OCIAD1: variants seen among roughly 807,000 people sequenced by gnomAD.
The protein encoded by OCIAD1 is OCIA domain-containing protein 1.
A neutral mutation model predicts 38.9 loss-of-function variants in OCIAD1; 29 were observed. That is an observed-to-expected ratio of 0.74 (90% CI 0.55 to 1.02). The LOEUF is 1.02. Ranked by LOEUF, OCIAD1 falls within the 50% of genes least tolerant of loss-of-function variation. The pLI is 0.00. For missense variants in OCIAD1, 288 were observed against 289.6 expected, an observed-to-expected ratio of 0.99 and a Z score of 0.04; for synonymous variants, 110 against 92.0, an observed-to-expected ratio of 1.20 and a Z score of -1.12.
In OCIAD1 at chr4:48,861,052, C is replaced by T. The variant is rs766832856; in HGVS notation, c.*290C>T. 6.3e-5 allele frequency: 20 copies of T among 319,842 alleles called. No individual in the cohort carries two copies. Among genetic ancestry groups the T allele is most frequent in the South Asian group, 1.0e-4 (1 of 9,812 alleles). 19.8% of individuals were successfully genotyped at this position (319,842 alleles called of 1,614,324 possible). On this transcript the variant is annotated 3_prime_UTR_variant, in exon 9 of 9. Transcript: ENST00000264312. ...GCAAAGATAACTCTTAAAAAACCGT[C>T]GAGATTACAATGCTCTAGAATCAGC...
chr4:48,827,231 G>A (rs1190549628), upstream of OCIAD1, among the ~76,000 whole-genome samples: 2 of 152,170 alleles, frequency 1.3e-5, no homozygotes, highest in African/African-American at 4.8e-5. Context: ...ACACTGAAAT[G>A]AAGTAGAAGT....
Position 48,853,461 on chromosome 4 carries a change from A to G in OCIAD1, c.547+1486A>G, listed in dbSNP as rs1279634240. On this transcript the variant is annotated intron_variant, in intron 7 of 8. Transcript: ENST00000264312. ...GAATAGTGAAACATACCTGACCCCA[A>G]GGTTTGGATAAGGGATTATGGACCT... 4.6e-5 allele frequency among the ~76,000 whole-genome samples: 7 copies of G among 152,286 alleles called. No homozygotes were observed. In the East Asian group the frequency reaches 7.7e-4, roughly 17 times the overall value.
rs528260977 is a variant in OCIAD1 at position 48,810,209 on chromosome 4, G to C, written c.-103+4879G>C. Among the ~76,000 whole-genome samples, 8 of 152,076 alleles carry C rather than the reference G, an allele frequency of 5.3e-5. No homozygotes were observed. In the East Asian group the frequency reaches 1.5e-3, roughly 29 times the overall value. ...ACTCGGTGTGTGTGTGTGTTTAAGA[G>C]ATGAGATCCCAGCACTTTGGGAGGC... On this transcript the variant is annotated intron_variant, in intron 1 of 6. Transcript: ENST00000504654.
chr4:48,844,005 CTA>C (rs1560428209), intron 4 of OCIAD1, among the ~76,000 whole-genome samples: 1 of 152,088 alleles, frequency 6.6e-6, no homozygotes, highest in African/African-American at 2.4e-5. Context: ...AGTAGAGACT[CTA>C]AGAGTTGTAG....
chr4:48,848,845 T>C (rs529613761), intron 5 of OCIAD1, among the ~76,000 whole-genome samples: 1 of 152,250 alleles, frequency 6.6e-6, no homozygotes, highest in African/African-American at 2.4e-5. Flanking sequence ...AAAATGTAAA[T>C]AAGCATAACT....
chr4:48,817,471 C>A (rs113255467), intron 1 of OCIAD1, among the ~76,000 whole-genome samples: 1 of 152,106 alleles, frequency 6.6e-6, no homozygotes, highest in Non-Finnish European at 1.5e-5. Context: ...CCCACCAGGC[C>A]CCTGGGTTTC....
intron 8 of OCIAD1, among the ~76,000 whole-genome samples, 192 bp downstream of exon 8, chr4:48,857,557 G>A (rs369542867): frequency 1.4e-4 from 21 of 149,636 alleles, no homozygotes; most frequent in Admixed American, 4.0e-4. Context: ...GTCTTGCTCC[G>A]TCGCCAGGCT....
At chr4:48,831,621 G>T (rs1777508786) in intron 1 of OCIAD1, 2 of 1,121,194 alleles carry the variant, frequency 1.8e-6, no homozygotes. Context: ...CGCCGTGTCA[G>T]CCCTGACAGT....
chr4:48,825,615 G>A (rs751058854), intron 1 of OCIAD1, among the ~76,000 whole-genome samples: 24 of 152,140 alleles, frequency 1.6e-4, no homozygotes, highest in Non-Finnish European at 3.2e-4. Flanking sequence ...CAGGAAACTG[G>A]CCCATGGTCT....
At chr4:48,831,615 G>A (rs1316828296) in intron 1 of OCIAD1, 2 of 1,172,286 alleles carry the variant, frequency 1.7e-6, no homozygotes, top group African/African-American at 3.1e-5. Context: ...CTTAAGCGCC[G>A]TGTCAGCCCT....
intron 1 of OCIAD1, among the ~76,000 whole-genome samples, chr4:48,807,487 G>C (rs1777041183): frequency 6.6e-6 from 1 of 152,074 alleles, no homozygotes; most frequent in Admixed American, 6.6e-5. Context: ...GTATCTATCA[G>C]GTTGTTATAA....
intron 7 of OCIAD1, among the ~76,000 whole-genome samples, chr4:48,852,882 G>GTTTTTTTGTTTTTTTTTTTTTTTTTT (rs1779635252): frequency 7.9e-6 from 1 of 126,338 alleles, no homozygotes; most frequent in African/African-American, 3.2e-5. Context: ...TTTGTTTTTT[G>GTTTTTTTGTTTTTTTTTTTTTTTTTT]TTTTTTTTTT....
intron 1 of OCIAD1, among the ~76,000 whole-genome samples, chr4:48,824,098 C>T (rs1178111233): frequency 6.6e-6 from 1 of 152,026 alleles, no homozygotes; most frequent in South Asian, 2.1e-4. Context: ...CCCACTTCAG[C>T]CTCCTGAATA....
intron 3 of OCIAD1, among the ~76,000 whole-genome samples, chr4:48,842,285 CCTT>C (rs1345802757): frequency 6.6e-5 from 10 of 152,208 alleles, no homozygotes; most frequent in Non-Finnish European, 1.3e-4. Flanking sequence ...TCTTACCTCT[CCTT>C]CATTAACTTT....
Position 48,823,162 on chromosome 4 carries a change from C to G in OCIAD1, c.-102-7415C>G, listed in dbSNP as rs554427639. On this transcript the variant is annotated intron_variant, in intron 1 of 6. Coordinates refer to the OCIAD1 transcript ENST00000504654. Reference sequence around the variant, plus strand: ...ACCCAAATGCCCATCAATGATAGACCGGATAAAGAAAATGTGGCGCATACA... The same window carrying G: ...ACCCAAATGCCCATCAATGATAGACGGGATAAAGAAAATGTGGCGCATACA... Among the ~76,000 whole-genome samples, 6 of 151,844 alleles carry G rather than the reference C, an allele frequency of 4.0e-5. No individual in the cohort carries two copies. The East Asian group carries it at 1.2e-3, about 29-fold the overall frequency.
Position 48,850,018 on chromosome 4 carries a change from C to G in OCIAD1, c.313C>G (p.Leu105Val). The change falls in exon 6 of 9, where the codon CTT (leucine) becomes GTT (valine). Residue 105 changes from leucine (L) to valine (V), a missense_variant. Leu to Val is a conservative substitution (Grantham distance 32). Transcript: ENST00000264312. The part of the protein sequence containing the change: ...VKTCQEKFKK[L>V]ENSPLGEALR... ...AACTTGCCAAGAGAAATTCAAGAAA[C>G]TTGAAAATTCCCCCCTTGGAGAAGC... 1.9e-6 allele frequency: 3 copies of G among 1,613,530 alleles called. No homozygotes were observed. Among genetic ancestry groups the G allele is most frequent in the Non-Finnish European group, 2.5e-6 (3 of 1,179,830 alleles).
chr4:48,853,686 A>G (rs559106691), intron 7 of OCIAD1, among the ~76,000 whole-genome samples: 1 of 152,344 alleles, frequency 6.6e-6, no homozygotes, highest in East Asian at 1.9e-4. Context: ...GAAATTTAAA[A>G]TTCAATTTCT....
At chr4:48,830,135 G>A (rs1331065340), upstream of OCIAD1, among the ~76,000 whole-genome samples, 1 of 152,198 alleles carries the variant, frequency 6.6e-6, no homozygotes, top group African/African-American at 2.4e-5. Flanking sequence ...ATAGAAGAAA[G>A]TGACGCTCAA....
At chr4:48,842,114 T>C (rs1276876874) in intron 3 of OCIAD1, among the ~76,000 whole-genome samples, 1 of 152,222 alleles carries the variant, frequency 6.6e-6, no homozygotes, top group East Asian at 1.9e-4. Flanking sequence ...TTAACATCTC[T>C]AAGCTTCAGT....
Sources: gnomAD v4.1 joint callset for allele counts (sites outside exome capture counted in the v4.1 genomes callset) on GRCh38, gnomAD v4.1.1 for gene constraint, MANE v1.5 for transcripts, NCBI Gene and HGNC (gene_info 2026-07-23, HGNC 2026-07-21) for gene names.